ZMIZ1: variants seen among roughly 807,000 people sequenced by gnomAD.
ZMIZ1 encodes zinc finger MIZ-type containing 1, also known as zinc finger MIZ domain-containing protein 1.
ZMIZ1 carries 17 observed loss-of-function variants against 113.9 expected under a neutral mutation model. The observed-to-expected ratio is 0.15, with a 90% confidence interval of 0.10 to 0.22. The LOEUF (loss-of-function observed/expected upper bound fraction) is 0.22. Ranked by LOEUF, ZMIZ1 falls within the 10% of genes least tolerant of loss-of-function variation. The pLI is 1.00. For synonymous variants in ZMIZ1, 607 were observed against 603.1 expected, an observed-to-expected ratio of 1.01 and a Z score of -0.09; for missense variants, 1,059 against 1,477.8, an observed-to-expected ratio of 0.72 and a Z score of 4.65.
intron 7 of ZMIZ1, among the ~76,000 whole-genome samples, chr10:79,239,444 TC>T (rs1849721268): frequency 6.6e-6 from 1 of 152,186 alleles, no homozygotes; most frequent in African/African-American, 2.4e-5. Flanking sequence ...GGCTGGGGCC[TC>T]CTTGTCCACC....
chr10:79,237,115 T>C (rs1033937514), intron 7 of ZMIZ1, among the ~76,000 whole-genome samples: 3 of 149,046 alleles, frequency 2.0e-5, no homozygotes, highest in African/African-American at 7.4e-5. Flanking sequence ...CAGGGCCACC[T>C]GGAGAAGAGC....
intron 1 of ZMIZ1, among the ~76,000 whole-genome samples, chr10:79,085,768 G>A (rs1183822164): frequency 6.6e-6 from 1 of 152,206 alleles, no homozygotes; most frequent in African/African-American, 2.4e-5. Flanking sequence ...TCTTATTCTG[G>A]GAATGAGAAG....
At chr10:79,233,803 C>T (rs926927373) in intron 7 of ZMIZ1, among the ~76,000 whole-genome samples, 4 of 152,200 alleles carry the variant, frequency 2.6e-5, no homozygotes, top group Admixed American at 2.0e-4. Flanking sequence ...CTCAGCTTCC[C>T]TCTGCCACCC....
intron 1 of ZMIZ1, among the ~76,000 whole-genome samples, chr10:79,097,798 G>T (rs758621880): frequency 5.9e-5 from 9 of 151,996 alleles, no homozygotes; most frequent in African/African-American, 9.7e-5. Flanking sequence ...GGTCTTCATG[G>T]CACCTCTCTG....
intron 2 of ZMIZ1, among the ~76,000 whole-genome samples, chr10:79,123,519 C>T (rs1844388017): frequency 6.6e-6 from 1 of 152,136 alleles, no homozygotes; most frequent in South Asian, 2.1e-4. Context: ...GGGGTGGACT[C>T]CAGGGCTGTG....
intron 1 of ZMIZ1, among the ~76,000 whole-genome samples, chr10:79,078,614 A>C (rs1456269978): frequency 8.1e-6 from 1 of 123,442 alleles, no homozygotes. Flanking sequence ...GTGCAATCTC[A>C]GCTCACTGCA....
chr10:79,069,504 C>G lies in ZMIZ1; in HGVS notation c.-337+234C>G, dbSNP rs1285740794. On this transcript the variant is annotated intron_variant, in intron 1 of 24. Transcript: ENST00000334512. This position sits in a 1 kb window ranked among gnomAD's most constrained non-coding sequence, Gnocchi z 4.6. ...CTGCGCGGAGCCGGCTTGGGCTGCG[C>G]GTGGGGGCCGGGTTTGTCAGGGTGT... Among the ~76,000 whole-genome samples, 3 of 151,596 alleles carry G rather than the reference C, an allele frequency of 2.0e-5. No homozygotes were observed. Among genetic ancestry groups the G allele is most frequent in the African/African-American group, 7.3e-5 (3 of 41,372 alleles).
Position 79,277,229 on chromosome 10 carries a change from G to A in ZMIZ1, c.329G>A (p.Arg110Gln), listed in dbSNP as rs1852352288. The change falls in exon 8 of 25, where the codon CGA becomes CAA. Residue 110 changes from arginine to glutamine, a missense_variant. Around this residue, in one of 6 missense-constraint regions of ZMIZ1, gnomAD observed 272 missense variants for 350.4 expected, o/e 0.78. Transcript: ENST00000334512. ...CEELGRLLLLRHQKSRQSDPP... is the reference protein window; with the variant it reads ...CEELGRLLLLQHQKSRQSDPP... ...GAGCTCGGCCGCCTGCTGCTGCTCC[G>A]ACATCAGAAGAGCCGCCAGAGCGAT... 6 of 1,587,046 alleles carry A rather than the reference G, an allele frequency of 3.8e-6. No homozygotes were observed. Among genetic ancestry groups the A allele is most frequent in the East Asian group, 2.3e-5 (1 of 42,692 alleles).
intron 12 of ZMIZ1, 23 bp downstream of exon 12, chr10:79,293,676 G>A (rs753075117): frequency 6.2e-7 from 1 of 1,613,090 alleles, no homozygotes; most frequent in Non-Finnish European, 8.5e-7. Flanking sequence ...GTGGGAGCCT[G>A]GGAGGTGGGA....
At chr10:79,238,480 A>G (rs1032252970) in intron 7 of ZMIZ1, among the ~76,000 whole-genome samples, 3 of 152,240 alleles carry the variant, frequency 2.0e-5, no homozygotes, top group African/African-American at 7.2e-5. Context: ...AGCAAACTCA[A>G]AATGTCACAC....
chr10:79,261,282 A>G (rs1851251716), intron 7 of ZMIZ1, among the ~76,000 whole-genome samples: 1 of 152,158 alleles, frequency 6.6e-6, no homozygotes, highest in Non-Finnish European at 1.5e-5. Flanking sequence ...ACCCAGCTCC[A>G]ATGCCCCTCC....
intron 3 of ZMIZ1, among the ~76,000 whole-genome samples, chr10:79,150,791 AGAAGCCGGGCGACG>A: frequency 6.6e-6 from 1 of 152,066 alleles, no homozygotes; most frequent in Non-Finnish European, 1.5e-5. Flanking sequence ...CTCATCTCCC[AGAAGCCGGGCGACG>A]GAGCATGCCT....
intron 3 of ZMIZ1, among the ~76,000 whole-genome samples, chr10:79,150,875 G>C (rs1214530633): frequency 1.3e-5 from 2 of 152,014 alleles, no homozygotes; most frequent in African/African-American, 4.8e-5. Flanking sequence ...TGTGCTGAGG[G>C]GCAGGCTGTC....
At chr10:79,310,084 A>G (rs970151849) in intron 23 of ZMIZ1, among the ~76,000 whole-genome samples, 4 of 152,148 alleles carry the variant, frequency 2.6e-5, no homozygotes, top group African/African-American at 9.7e-5. Context: ...CGAGTCCTCT[A>G]GTTATCTGTT....
intron 1 of ZMIZ1, among the ~76,000 whole-genome samples, chr10:79,080,419 G>T (rs567269963): frequency 6.8e-6 from 1 of 147,306 alleles, no homozygotes; most frequent in East Asian, 2.0e-4. Flanking sequence ...AGATTCTCTT[G>T]CCTCAGCCTC....
intron 2 of ZMIZ1, among the ~76,000 whole-genome samples, chr10:79,123,216 A>G (rs1344741840): frequency 1.3e-5 from 2 of 152,176 alleles, no homozygotes; most frequent in African/African-American, 2.4e-5. Context: ...AAGACACTCA[A>G]AACACTCTTG....
chr10:79,292,928 G>A (rs1243620740), intron 11 of ZMIZ1: 6 of 465,306 alleles, frequency 1.3e-5, no homozygotes, highest in Non-Finnish European at 2.6e-5. Flanking sequence ...CCAACTTTGG[G>A]GATGGAGGGT....
Position 79,302,256 on chromosome 10 carries a change from C to T in ZMIZ1, c.2125+44C>T, listed in dbSNP as rs762221545. On this transcript the variant is annotated intron_variant, in intron 18 of 24. Coordinates refer to ENST00000334512, the MANE Select transcript of ZMIZ1 (RefSeq NM_020338.4). ...GGGGGTGAGGGCCAGACTCCATCCC[C>T]GCCTGAGTTTGGGACTGAGAAGCAG... is the stretch of plus-strand genomic sequence containing the variant. 1.6e-5 allele frequency: 26 copies of T among 1,583,052 alleles called. No individual in the cohort carries two copies. In the African/African-American group the frequency reaches 2.0e-4, roughly 12 times the overall value.
Position 79,112,512 on chromosome 10 carries a change from C to T in ZMIZ1, c.-336-6403C>T, listed in dbSNP as rs139636203. ...TTCCTGGCAGGCTCTGTGGACACGC[C>T]GCCTGGAAACCACTTCTGCCCTGTA... On this transcript the variant is annotated intron_variant, in intron 1 of 24. Transcript: ENST00000334512. Among the ~76,000 whole-genome samples the T allele has an allele frequency of 4.7e-4, 71 of 152,210 alleles. No homozygotes were observed. The East Asian group carries it at 0.013, about 27-fold the overall frequency.
Sources: gnomAD v4.1 joint callset for allele counts (sites outside exome capture counted in the v4.1 genomes callset) on GRCh38, gnomAD v4.1.1 for gene constraint, gnomAD v4.1.1 regional missense constraint, Gnocchi (gnomAD v3.1) non-coding constraint, MANE v1.5 for transcripts, NCBI Gene and HGNC (gene_info 2026-07-23, HGNC 2026-07-21) for gene names.